Variants in ABCC5 observed in about 807,000 individuals in gnomAD.
The protein encoded by ABCC5 is ATP binding cassette subfamily C member 5.
A neutral mutation model predicts 160.9 loss-of-function variants in ABCC5; 61 were observed. That is an observed-to-expected ratio of 0.38 (90% CI 0.31 to 0.47). The LOEUF is 0.47. Among genes scored for constraint, ABCC5 ranks in the 20% least tolerant of loss-of-function variants. ABCC5 has a pLI of 0.99. For synonymous variants in ABCC5, 666 were observed against 700.6 expected (o/e 0.95, Z 0.78); for missense variants, 1,308 against 1,813.3 (o/e 0.72, Z 5.06).
At chr3:183,985,805 C>T (rs1183607448) in intron 5 of ABCC5, 1 of 217,892 alleles carries the variant, frequency 4.6e-6, no homozygotes. Flanking sequence ...CCGGCGTCAC[C>T]AAAACCTTGG....
At chr3:183,948,611 T>A (rs1310034633) in intron 22 of ABCC5, among the ~76,000 whole-genome samples, 2 of 152,228 alleles carry the variant, frequency 1.3e-5, no homozygotes, top group Non-Finnish European at 2.9e-5. Flanking sequence ...AGGTCAAGTC[T>A]GTCTCATTCC....
At chr3:183,980,766 GT>G (rs1343291414) in intron 8 of ABCC5, among the ~76,000 whole-genome samples, 2 of 150,892 alleles carry the variant, frequency 1.3e-5, no homozygotes, top group African/African-American at 4.9e-5. Context: ...AGGCTGGAGT[GT>G]AATGGTGTGA....
At chr3:183,957,169 T>C (rs201092423) in intron 17 of ABCC5, among the ~76,000 whole-genome samples, 473 of 38,592 alleles carry the variant, frequency 0.012, 111 homozygotes, top group East Asian at 0.022. Context: ...CGGTTACATG[T>C]GGGTCCGTGT....
Position 183,988,566 on chromosome 3 carries a change from G to A in ABCC5, c.443+6C>T, listed in dbSNP as rs751492543. The A allele has an allele frequency of 4.3e-6, 7 of 1,610,818 alleles. No homozygotes were observed. Among genetic ancestry groups the A allele is most frequent in the African/African-American group, 4.0e-5 (3 of 74,818 alleles). ...GGGGAGATGAGGGTGGACCAGAGGC[G>A]CCTACCTTCTGCAGTTCACGTCAGA... is the stretch of plus-strand genomic sequence containing the variant. On this transcript the variant is annotated splice_donor_region_variant and intron_variant, in intron 4 of 29. Coordinates refer to ENST00000334444, the MANE Select transcript of ABCC5 (RefSeq NM_005688.4). The surrounding 1 kb of genome is among the most constrained non-coding windows in gnomAD (Gnocchi z 4.4).
intron 2 of ABCC5, among the ~76,000 whole-genome samples, chr3:184,010,900 C>T (rs571773937): frequency 3.3e-5 from 5 of 149,484 alleles, no homozygotes; most frequent in East Asian, 2.0e-4. Context: ...CAGGTTCAAG[C>T]GATTCTCCTG....
At chr3:184,010,391 TAAGGCTTCAGTGGCATGTTGAA>T (rs1265024898) in intron 2 of ABCC5, 1 of 152,108 alleles carries the variant, frequency 6.6e-6, no homozygotes, top group Non-Finnish European at 1.5e-5. Flanking sequence ...TTCTCTGAGA[TAAGGCTTCAGTGGCATGTTGAA>T]AACCTGCTAC....
intron 27 of ABCC5, among the ~76,000 whole-genome samples, chr3:183,928,195 T>C (rs965509273): frequency 2.6e-5 from 4 of 151,172 alleles, no homozygotes; most frequent in Non-Finnish European, 5.9e-5. Flanking sequence ...CACTGCAACC[T>C]CTGTCTCCTG....
At chr3:183,985,560 G>C in intron 5 of ABCC5, 1 of 724,584 alleles carries the variant, frequency 1.4e-6, no homozygotes, top group East Asian at 2.6e-5. Flanking sequence ...TTCACCAAGA[G>C]AGAGCACTGC....
intron 20 of ABCC5, 115 bp from the exon 21 acceptor site, chr3:183,950,240 T>G (rs1715219832): frequency 7.9e-7 from 1 of 1,265,204 alleles, no homozygotes. Context: ...TGATGTTGTC[T>G]TTAAACAGTC....
chr3:183,990,717 T>G (rs1719687548), intron 2 of ABCC5, among the ~76,000 whole-genome samples: 1 of 152,182 alleles, frequency 6.6e-6, no homozygotes, highest in Non-Finnish European at 1.5e-5. Context: ...TCTCATGAGC[T>G]GAAATATAAA....
intron 2 of ABCC5, among the ~76,000 whole-genome samples, chr3:183,998,849 G>A (rs1288096245): frequency 6.6e-5 from 10 of 152,152 alleles, no homozygotes; most frequent in Non-Finnish European, 1.3e-4. Flanking sequence ...CAGCATTTTA[G>A]AAGGCTGAGG....
At chr3:183,994,420 G>C (rs1720069987) in intron 2 of ABCC5, among the ~76,000 whole-genome samples, 2 of 151,834 alleles carry the variant, frequency 1.3e-5, no homozygotes, top group Non-Finnish European at 2.9e-5. Flanking sequence ...CTGTCGCCCA[G>C]ACTGGTGTGC....
In ABCC5 at chr3:183,977,642, G is replaced by A. The variant is rs1718336473; in HGVS notation, c.1297-18C>T. 2 of 1,586,230 alleles carry A rather than the reference G, an allele frequency of 1.3e-6. No individual in the cohort carries two copies. The highest frequency in any genetic ancestry group is 2.7e-5 in the African/African-American group (2 of 74,294). On this transcript the variant is annotated intron_variant, in intron 9 of 29. Transcript: ENST00000334444. ...GTGAAAGCCTGAAAATAGGAGAAGA[G>A]AAGAAACTGTGCCTAATGATGCTAT...
chr3:183,971,528 G>T (rs1423111598), intron 11 of ABCC5, 35 bp downstream of exon 11: 9 of 1,585,032 alleles, frequency 5.7e-6, no homozygotes, highest in Non-Finnish European at 7.8e-6. Flanking sequence ...GGGGTGGTGG[G>T]GTGCGGGCAG....
chr3:183,950,004 G>A lies in ABCC5; in HGVS notation c.3066C>T (p.Val1022=). The A allele has an allele frequency of 6.2e-7, 1 of 1,614,138 alleles. No homozygotes were observed. Among genetic ancestry groups the A allele is most frequent in the Non-Finnish European group, 8.5e-7 (1 of 1,180,032 alleles). ...PWFLVAVGPL[V]ILFSVLHIVS... ...CAATGTGCAGGACTGAAAAGAGGAT[G>A]ACAAGGGGCCCCACTGCCACAAGGA... Residue 1022 remains valine, a synonymous_variant, in exon 21 of 30, where the codon GTC becomes GTT. Transcript: ENST00000334444.
At chr3:184,004,747 G>A (rs867544351) in intron 2 of ABCC5, among the ~76,000 whole-genome samples, 1 of 152,102 alleles carries the variant, frequency 6.6e-6, no homozygotes, top group Non-Finnish European at 1.5e-5. Context: ...CTAAGTGACT[G>A]CTCAATATCA....
rs1715319460 is a variant in ABCC5, at chr3:183,951,297, T to C, written c.2944+144A>G. On this transcript the variant is annotated intron_variant, in intron 20 of 29. Coordinates refer to ENST00000334444, the MANE Select transcript of ABCC5 (RefSeq NM_005688.4). The surrounding 1 kb of genome is among the most constrained non-coding windows in gnomAD (Gnocchi z 4.7). ...AGGTCAAACAAGACAGAAAATGCAG[T>C]TGCAATGTTCCTGGTGAAAACACCA... 8 of 1,073,050 alleles carry C rather than the reference T, an allele frequency of 7.5e-6. No homozygotes were observed. The highest frequency in any genetic ancestry group is 1.6e-5 in the African/African-American group (1 of 62,770). The allele number at this position is 1,073,050 out of a possible 1,614,324, so 66.5% of individuals were successfully genotyped here. A position where few individuals can be genotyped will look rare whatever the true frequency, so the allele number is the denominator to read the frequency against.
intron 2 of ABCC5, among the ~76,000 whole-genome samples, chr3:183,997,954 T>G (rs1300786263): frequency 6.6e-6 from 1 of 152,042 alleles, no homozygotes; most frequent in African/African-American, 2.4e-5. Flanking sequence ...CTGGCTAATT[T>G]TTTTATTTTT....
At chr3:183,961,075 C>CGCA (rs1716689056) in intron 16 of ABCC5, among the ~76,000 whole-genome samples, 1 of 152,170 alleles carries the variant, frequency 6.6e-6, no homozygotes. Flanking sequence ...CAGCAAGAGC[C>CGCA]GCAGCACCTG....
Sources: allele counts gnomAD v4.1 joint callset (sites outside exome capture counted in the v4.1 genomes callset), GRCh38; gene constraint gnomAD v4.1.1; non-coding constraint Gnocchi (gnomAD v3.1); transcripts MANE v1.5; gene names NCBI Gene and HGNC (gene_info 2026-07-23, HGNC 2026-07-21).